Variants in MIS18A observed in about 807,000 individuals in gnomAD.
MIS18A encodes the protein protein Mis18-alpha.
Under a neutral mutation model 25.0 loss-of-function variants are expected in MIS18A, and 14 were observed. The ratio of observed to expected loss-of-function variants is 0.56; its 90% CI spans 0.37 to 0.88. The LOEUF is 0.88. Ranked by LOEUF, MIS18A falls within the 40% of genes least tolerant of loss-of-function variation. The pLI is 0.00. For missense variants in MIS18A, 292 were observed against 290.8 expected, an observed-to-expected ratio of 1.00 and a Z score of -0.03; for synonymous variants, 134 against 118.6, an observed-to-expected ratio of 1.13 and a Z score of -0.84.
rs541375017 is a variant in MIS18A, at chr21:32,273,590, G to A, written c.401+1240C>T. On this transcript the variant is annotated intron_variant, in intron 2 of 4. Coordinates refer to ENST00000290130, the MANE Select transcript of MIS18A (RefSeq NM_018944.3). ...ACCCCATCACTCAAGAAATCGAAAG[G>A]GTTTTAGGAGCGACTAAGTATTGAA... Among the ~76,000 whole-genome samples the A allele has an allele frequency of 2.6e-5, 4 of 152,182 alleles. No individual in the cohort carries two copies. In the East Asian group the frequency reaches 5.8e-4, roughly 22 times the overall value.
chr21:32,184,487 G>A, the MIS18A span, among the ~76,000 whole-genome samples: 1 of 152,132 alleles, frequency 6.6e-6, no homozygotes, highest in Non-Finnish European at 1.5e-5. Flanking sequence ...CACAATCTCT[G>A]TTCTTACATG....
the MIS18A span, among the ~76,000 whole-genome samples, chr21:32,166,311 T>A: frequency 6.6e-6 from 1 of 152,230 alleles, no homozygotes; most frequent in African/African-American, 2.4e-5. Context: ...ATAAATTGTA[T>A]TACAAATGTA....
chr21:32,201,075 G>C, the MIS18A span, among the ~76,000 whole-genome samples: 1 of 152,120 alleles, frequency 6.6e-6, no homozygotes, highest in Non-Finnish European at 1.5e-5. Context: ...TCCTGGTGAG[G>C]CCTCAGGAAG....
At chr21:32,208,006 CA>C in the MIS18A span, among the ~76,000 whole-genome samples, 1 of 152,200 alleles carries the variant, frequency 6.6e-6, no homozygotes, top group African/African-American at 2.4e-5. Flanking sequence ...CTGGGTCCTG[CA>C]AAATATGTAG....
In MIS18A at chr21:32,278,724, G is replaced by A. The variant is rs1311682839; in HGVS notation, c.291C>T (p.Ser97=). The change falls in exon 1 of 5, where the codon AGC becomes AGT. Residue 97 remains serine, a synonymous_variant. Coordinates refer to ENST00000290130, the MANE Select transcript of MIS18A (RefSeq NM_018944.3). ...TGGTGTCCTCCTGGCTGGCCACCCA[G>A]CTCAGCGAGTCGCCCAGCGGCCGCC... is the stretch of plus-strand genomic sequence containing the variant. ...GCRRPLGDSL[S]WVASQEDTNC... The A allele has an allele frequency of 5.1e-6, 8 of 1,580,980 alleles. No homozygotes were observed. Among genetic ancestry groups the A allele is most frequent in the Non-Finnish European group, 6.0e-6 (7 of 1,170,360 alleles).
At chr21:32,211,387 C>G in the MIS18A span, among the ~76,000 whole-genome samples, 1 of 152,360 alleles carries the variant, frequency 6.6e-6, no homozygotes, top group East Asian at 1.9e-4. Context: ...AAACATGTAA[C>G]TGTTCCACCA....
the MIS18A span, among the ~76,000 whole-genome samples, chr21:32,247,265 C>G: frequency 3.9e-5 from 6 of 152,320 alleles, no homozygotes; most frequent in African/African-American, 1.2e-4. Flanking sequence ...ATCCCAAACT[C>G]TGGAGTCTCA....
At chr21:32,276,010 A>G (rs1369732450) in intron 1 of MIS18A, among the ~76,000 whole-genome samples, 4 of 152,146 alleles carry the variant, frequency 2.6e-5, no homozygotes, top group African/African-American at 7.2e-5. Flanking sequence ...ACTAGAACAG[A>G]TTACTACTCT....
At chr21:32,239,159 T>C in the MIS18A span, among the ~76,000 whole-genome samples, 1 of 152,190 alleles carries the variant, frequency 6.6e-6, no homozygotes, top group African/African-American at 2.4e-5. Flanking sequence ...GCTTCAATAG[T>C]GGGGGAAGAA....
At chr21:32,271,175 T>C (rs1210188153) in intron 2 of MIS18A, among the ~76,000 whole-genome samples, 1 of 152,160 alleles carries the variant, frequency 6.6e-6, no homozygotes, top group East Asian at 1.9e-4. Flanking sequence ...GAATCCAGTG[T>C]CTCCCAAACG....
chr21:32,188,399 T>C, the MIS18A span, among the ~76,000 whole-genome samples: 1 of 152,190 alleles, frequency 6.6e-6, no homozygotes, highest in South Asian at 2.1e-4. Flanking sequence ...CCTGCACACA[T>C]GGCAAGTTAC....
chr21:32,197,162 C>G, the MIS18A span, among the ~76,000 whole-genome samples: 4 of 152,198 alleles, frequency 2.6e-5, no homozygotes, highest in Admixed American at 2.0e-4. Flanking sequence ...TTCTGAAGTT[C>G]AGTTCCGATC....
the MIS18A span, among the ~76,000 whole-genome samples, chr21:32,214,306 G>C: frequency 6.6e-6 from 1 of 152,208 alleles, no homozygotes; most frequent in Non-Finnish European, 1.5e-5. Flanking sequence ...TTGGCAGTTG[G>C]TGGGGTCTCA....
the MIS18A span, among the ~76,000 whole-genome samples, chr21:32,196,290 G>A: frequency 3.3e-5 from 5 of 152,106 alleles, no homozygotes; most frequent in Non-Finnish European, 5.9e-5. Context: ...TCTTCAAGCT[G>A]AGACATTTGG....
the MIS18A span, among the ~76,000 whole-genome samples, chr21:32,189,131 G>A: frequency 0.098 from 10 of 102 alleles, no homozygotes; most frequent in East Asian, 0.5. Flanking sequence ...GGCGGTGTGC[G>A]GACACCGCCA....
At chr21:32,219,971 C>A in the MIS18A span, among the ~76,000 whole-genome samples, 1 of 152,196 alleles carries the variant, frequency 6.6e-6, no homozygotes. Context: ...AGGTAGCAGC[C>A]CCAGTCAGGT....
chr21:32,271,567 T>C (rs1372483418), intron 2 of MIS18A, among the ~76,000 whole-genome samples: 3 of 152,260 alleles, frequency 2.0e-5, no homozygotes, highest in Admixed American at 1.3e-4. Context: ...CTGGATAGTA[T>C]GCCACTGATT....
chr21:32,176,687 C>T, the MIS18A span, among the ~76,000 whole-genome samples: 1 of 150,864 alleles, frequency 6.6e-6, no homozygotes, highest in Non-Finnish European at 1.5e-5. Flanking sequence ...GAACATAAAA[C>T]AAGAGAAAGT....
chr21:32,160,677 G>T, the MIS18A span, among the ~76,000 whole-genome samples: 2 of 150,350 alleles, frequency 1.3e-5, no homozygotes, highest in Non-Finnish European at 2.9e-5. Context: ...ACAGAGTTTC[G>T]CTGGAGTGCA....
Sources: allele counts gnomAD v4.1 joint callset (sites outside exome capture counted in the v4.1 genomes callset), GRCh38; gene constraint gnomAD v4.1.1; transcripts MANE v1.5; gene names NCBI Gene and HGNC (gene_info 2026-07-23, HGNC 2026-07-21).